The following MMD2 variants were observed in gnomAD, a reference collection of about 807,000 sequenced individuals.
The protein encoded by MMD2 is monocyte to macrophage differentiation associated 2.
In MMD2, 30 loss-of-function variants were observed where a neutral mutation model predicts 33.5. The ratio of observed to expected loss-of-function variants is 0.90; its 90% CI spans 0.67 to 1.22. The LOEUF is 1.22. Ranked by LOEUF, MMD2 falls within the 50% of genes most tolerant of loss-of-function variation. The probability of loss-of-function intolerance (pLI) is 0.00; values close to 1 mark genes in which losing one functional copy is unlikely to be tolerated. For missense variants in MMD2, 364 were observed against 325.4 expected, an observed-to-expected ratio of 1.12 and a Z score of -0.91; for synonymous variants, 129 against 123.0, an observed-to-expected ratio of 1.05 and a Z score of -0.32.
At chr7:4,896,982 C>T in the MMD2 span, among the ~76,000 whole-genome samples, 1 of 152,162 alleles carries the variant, frequency 6.6e-6, no homozygotes, top group East Asian at 1.9e-4. Context: ...GCCTCAGCCT[C>T]TGGAGTAGCT....
At chr7:4,923,612 GC>G (rs1785341894) in intron 2 of MMD2, among the ~76,000 whole-genome samples, 2 of 104,784 alleles carry the variant, frequency 1.9e-5, no homozygotes, top group Admixed American at 1.7e-4. Context: ...TCTTCCTAGA[GC>G]TTTATTTTTG....
At chr7:4,929,120 T>A (rs764770315) in intron 1 of MMD2, among the ~76,000 whole-genome samples, 2 of 152,120 alleles carry the variant, frequency 1.3e-5, no homozygotes, top group Admixed American at 1.3e-4. Context: ...ACTTGGCGCC[T>A]GGGTGAGTCC....
At chr7:4,908,279 C>G (rs552563787) in intron 6 of MMD2, among the ~76,000 whole-genome samples, 2 of 151,372 alleles carry the variant, frequency 1.3e-5, no homozygotes, top group Non-Finnish European at 1.5e-5. Flanking sequence ...GTAGCTGGGA[C>G]TACAGGCATG....
the MMD2 span, among the ~76,000 whole-genome samples, chr7:4,897,571 G>A: frequency 1.3e-5 from 2 of 152,188 alleles, no homozygotes; most frequent in Admixed American, 6.5e-5. Flanking sequence ...GCCTGCACCT[G>A]CAGAGGTGGG....
rs563360951 is a variant in MMD2 at position 4,908,437 on chromosome 7, T to C, written c.538-838A>G. ...GATTATAGGCGGAAGCCACTGCGCC[T>C]GGCCTATAGCTTATCTTTTGTAAAA... On this transcript the variant is annotated intron_variant, in intron 6 of 6. Coordinates refer to ENST00000401401, the MANE Select transcript of MMD2 (RefSeq NM_198403.4). Among the ~76,000 whole-genome samples the C allele has an allele frequency of 1.4e-4, 21 of 152,160 alleles. No homozygotes were observed. The East Asian group carries it at 2.7e-3, about 20-fold the overall frequency.
chr7:4,937,622 CT>C (rs1785778710), intron 1 of MMD2, among the ~76,000 whole-genome samples: 1 of 152,158 alleles, frequency 6.6e-6, no homozygotes, highest in Non-Finnish European at 1.5e-5. Flanking sequence ...GATGTTCCTG[CT>C]TCAGCCTGCC....
At chr7:4,941,644 AAG>A (rs1308894852) in intron 1 of MMD2, among the ~76,000 whole-genome samples, 2 of 140,526 alleles carry the variant, frequency 1.4e-5, no homozygotes, top group Non-Finnish European at 3.2e-5. Flanking sequence ...AAAAAAAAAA[AAG>A]ACACTTTTTT....
At chr7:4,949,106 A>G (rs1053228528) in intron 1 of MMD2, among the ~76,000 whole-genome samples, 1 of 152,090 alleles carries the variant, frequency 6.6e-6, no homozygotes, top group African/African-American at 2.4e-5. Flanking sequence ...GCTACTCGGG[A>G]CGCTGAGGAA....
intron 1 of MMD2, among the ~76,000 whole-genome samples, chr7:4,951,637 T>TC (rs1233415904): frequency 2.0e-5 from 3 of 152,142 alleles, no homozygotes; most frequent in Non-Finnish European, 4.4e-5. Context: ...TCTCCCTCTG[T>TC]CACCCAGGCT....
At chr7:4,936,542 G>A (rs1785746542) in intron 1 of MMD2, among the ~76,000 whole-genome samples, 1 of 152,026 alleles carries the variant, frequency 6.6e-6, no homozygotes, top group Non-Finnish European at 1.5e-5. Context: ...TACAATAAAA[G>A]TGTTATTTTT....
At chr7:4,903,657 T>C (rs1784823740), downstream of MMD2, among the ~76,000 whole-genome samples, 1 of 152,188 alleles carries the variant, frequency 6.6e-6, no homozygotes, top group Admixed American at 6.5e-5. Flanking sequence ...GGTGTGTTGC[T>C]GGGGCCACTG....
the MMD2 span, among the ~76,000 whole-genome samples, chr7:4,900,210 A>C: frequency 6.6e-6 from 1 of 152,102 alleles, no homozygotes. Context: ...CTGAGGCAGC[A>C]CTGAGTGCAC....
At chr7:4,935,689 A>C (rs1021320358) in intron 1 of MMD2, among the ~76,000 whole-genome samples, 2 of 150,848 alleles carry the variant, frequency 1.3e-5, no homozygotes, top group African/African-American at 4.9e-5. Context: ...AAAAAAAAAA[A>C]AAAAAAAACC....
rs200248603 is a variant in MMD2 at position 4,911,162 on chromosome 7, G to A, written c.450C>T (p.Val150=). 1.7e-4 allele frequency: 267 copies of A among 1,589,832 alleles called. No individual in the cohort carries two copies. The African/African-American group carries it at 3.1e-3, about 19-fold the overall frequency. The change falls in exon 5 of 7, where the codon GTC becomes GTT. Residue 150 remains valine, a synonymous_variant. Transcript: ENST00000401401. ...TGGCTTACCGCTCATGGAAGAAGAA[G>A]ACATAGATGGTGCCCACGGAAGCCA... ...WIMASVGTIY[V]FFFHERYKLV...
At chr7:4,948,044 T>C (rs994338353) in intron 1 of MMD2, among the ~76,000 whole-genome samples, 1 of 151,868 alleles carries the variant, frequency 6.6e-6, no homozygotes, top group Non-Finnish European at 1.5e-5. Context: ...TCATTCACTA[T>C]CTCAACCAAG....
intron 3 of MMD2, among the ~76,000 whole-genome samples, chr7:4,917,386 G>C (rs149278064): frequency 0.017 from 2,573 of 152,190 alleles, 79 homozygotes; most frequent in African/African-American, 0.059. Context: ...TTTTGGCCAG[G>C]CATGGTGGCT....
At chr7:4,901,012 C>T (rs189475995), downstream of MMD2, among the ~76,000 whole-genome samples, 195 of 151,900 alleles carry the variant, frequency 1.3e-3, 1 homozygote, top group African/African-American at 4.5e-3. Flanking sequence ...TGGTGGTGGG[C>T]GCCTGTAATC....
chr7:4,908,212 G>A (rs1162099289), intron 6 of MMD2, among the ~76,000 whole-genome samples: 2 of 150,252 alleles, frequency 1.3e-5, no homozygotes, highest in African/African-American at 4.9e-5. Context: ...CGAGATCTCA[G>A]TTCACTGCGA....
intron 1 of MMD2, among the ~76,000 whole-genome samples, chr7:4,937,137 C>A (rs1300659562): frequency 6.6e-6 from 1 of 151,468 alleles, no homozygotes; most frequent in Non-Finnish European, 1.5e-5. Flanking sequence ...GTGGCTCATG[C>A]CTGCAATCCA....
Sources: gnomAD v4.1 joint callset for allele counts (sites outside exome capture counted in the v4.1 genomes callset) on GRCh38, gnomAD v4.1.1 for gene constraint, MANE v1.5 for transcripts, NCBI Gene and HGNC (gene_info 2026-07-23, HGNC 2026-07-21) for gene names.